The following NARS2 variants were observed in gnomAD, a reference collection of about 807,000 sequenced individuals.
NARS2 encodes the protein asparaginyl-tRNA synthetase 2, mitochondrial.
Under a neutral mutation model 62.9 loss-of-function variants are expected in NARS2, and 60 were observed. The observed-to-expected ratio is 0.95, with a 90% CI of 0.77 to 1.18. The LOEUF (loss-of-function observed/expected upper bound fraction) is 1.18, where lower values mean the gene tolerates loss of function less well. Among genes scored for constraint, NARS2 ranks in the 50% most tolerant of loss-of-function variants. The probability of loss-of-function intolerance (pLI) is 0.00; values close to 1 mark genes in which losing one functional copy is unlikely to be tolerated. For missense variants in NARS2, 619 were observed against 576.4 expected (o/e 1.07, Z -0.76); for synonymous variants, 196 against 200.0 (o/e 0.98, Z 0.17).
intron 7 of NARS2, among the ~76,000 whole-genome samples, chr11:78,481,837 C>T (rs763287723): frequency 2.8e-4 from 42 of 152,192 alleles, no homozygotes; most frequent in African/African-American, 4.1e-4. Context: ...AATTAAGAGA[C>T]GCAGATTACT....
intron 7 of NARS2, among the ~76,000 whole-genome samples, chr11:78,485,039 T>G (rs556646113): frequency 6.6e-6 from 1 of 152,340 alleles, no homozygotes; most frequent in Admixed American, 6.5e-5. Flanking sequence ...GTATGCACCA[T>G]GGAATACCAT....
chr11:78,559,510 T>TACCC, intron 5 of NARS2, 29 bp downstream of exon 5: 1 of 1,394,516 alleles, frequency 7.2e-7, no homozygotes, highest in Non-Finnish European at 1.0e-6. Context: ...AACAGCAATG[T>TACCC]ACCCCTCAAG....
intron 10 of NARS2, 102 bp downstream of exon 10, chr11:78,469,145 T>C (rs762622732): frequency 1.0e-5 from 8 of 777,064 alleles, no homozygotes; most frequent in Non-Finnish European, 1.5e-5. Flanking sequence ...ATTTTGCTAA[T>C]AAGAGAATTA....
At position 78,571,430 on chromosome 11, in the gene NARS2, A is replaced by G. The variant is rs1465138412; in HGVS notation, c.156T>C (p.Ser52=). The change falls in exon 2 of 14, where the codon TCT becomes TCC. Residue 52 remains serine (S), a synonymous_variant. Coordinates refer to ENST00000281038, the MANE Select transcript of NARS2 (RefSeq NM_024678.6). ...ACAAGACTTCCTTCTGGGATCGGAC[A>G]GAACGAATCCATCCCTAAGGAAGAG... ...ERIKIQGWIR[S]VRSQKEVLFL... 2 of 1,611,956 alleles carry G rather than the reference A, an allele frequency of 1.2e-6. No individual in the cohort carries two copies. The highest frequency in any genetic ancestry group is 3.3e-5 in the Admixed American group (2 of 59,816).
intron 4 of NARS2, among the ~76,000 whole-genome samples, chr11:78,560,628 T>TC (rs1435392870): frequency 2.6e-5 from 4 of 151,356 alleles, no homozygotes; most frequent in African/African-American, 9.7e-5. Flanking sequence ...ACTAGGGACC[T>TC]CCCGAATATG....
At chr11:78,538,937 G>C (rs1258853753) in intron 5 of NARS2, among the ~76,000 whole-genome samples, 1 of 140,096 alleles carries the variant, frequency 7.1e-6, no homozygotes, top group Non-Finnish European at 1.5e-5. Context: ...GGAGCTTGCA[G>C]TGAGCCGAGA....
At chr11:78,503,556 T>G (rs1462155698) in intron 6 of NARS2, among the ~76,000 whole-genome samples, 1 of 152,172 alleles carries the variant, frequency 6.6e-6, no homozygotes, top group African/African-American at 2.4e-5. Flanking sequence ...CTCTTCTAAT[T>G]ACCACTTATG....
At chr11:78,546,467 C>G (rs1855880406) in intron 5 of NARS2, 1 of 152,224 alleles carries the variant, frequency 6.6e-6, no homozygotes, top group African/African-American at 2.4e-5. Context: ...TATCTTTGGA[C>G]AGTTACCACA....
chr11:78,557,059 T>C (rs1856379918), intron 5 of NARS2, among the ~76,000 whole-genome samples: 1 of 152,142 alleles, frequency 6.6e-6, no homozygotes, highest in South Asian at 2.1e-4. Flanking sequence ...TTACAATGTA[T>C]TCAGTAGTCC....
chr11:78,542,770 G>T (rs368222162), intron 5 of NARS2, among the ~76,000 whole-genome samples: 1 of 152,124 alleles, frequency 6.6e-6, no homozygotes, highest in Non-Finnish European at 1.5e-5. Context: ...GTGGTGGTGC[G>T]CACCTGTAGT....
At chr11:78,552,417 G>GTA (rs1190966533) in intron 5 of NARS2, among the ~76,000 whole-genome samples, 3 of 152,042 alleles carry the variant, frequency 2.0e-5, no homozygotes, top group Admixed American at 2.0e-4. Flanking sequence ...GGTTGACTCC[G>GTA]TATCTTTGCT....
chr11:78,440,942 A>G, intron 13 of NARS2, 149 bp downstream of exon 13: 1 of 641,244 alleles, frequency 1.6e-6, no homozygotes, highest in Non-Finnish European at 2.7e-6. Flanking sequence ...TAATCTTCTG[A>G]GCCCCCAACC....
intron 11 of NARS2, among the ~76,000 whole-genome samples, chr11:78,444,219 A>G (rs1025866090): frequency 3.9e-5 from 6 of 152,132 alleles, no homozygotes; most frequent in African/African-American, 1.4e-4. Flanking sequence ...TTAATAGTTT[A>G]TTGATTAGAA....
chr11:78,451,675 A>G (rs992872727), intron 11 of NARS2, among the ~76,000 whole-genome samples: 3 of 152,248 alleles, frequency 2.0e-5, no homozygotes, highest in Non-Finnish European at 4.4e-5. Flanking sequence ...GAATAAATAA[A>G]AAGTGCTACA....
At chr11:78,536,479 C>T (rs968187530) in intron 5 of NARS2, among the ~76,000 whole-genome samples, 1 of 152,082 alleles carries the variant, frequency 6.6e-6, no homozygotes, top group Non-Finnish European at 1.5e-5. Context: ...ATTAATGATG[C>T]TGCCCCCGTA....
chr11:78,562,964 C>T (rs1856604283), intron 4 of NARS2, among the ~76,000 whole-genome samples: 1 of 152,056 alleles, frequency 6.6e-6, no homozygotes, highest in Non-Finnish European at 1.5e-5. Flanking sequence ...AGAAACACTA[C>T]AAAATACTAG....
At chr11:78,545,043 G>A (rs1029246721) in intron 5 of NARS2, among the ~76,000 whole-genome samples, 3 of 152,018 alleles carry the variant, frequency 2.0e-5, no homozygotes, top group African/African-American at 7.3e-5. Context: ...GTCAAAGTCA[G>A]CAGTTCTTTA....
chr11:78,497,956 C>A (rs1364964169), intron 6 of NARS2, among the ~76,000 whole-genome samples: 2 of 151,988 alleles, frequency 1.3e-5, no homozygotes, highest in Non-Finnish European at 2.9e-5. Context: ...GAATTTGAGA[C>A]CCAAGCAAAA....
intron 9 of NARS2, among the ~76,000 whole-genome samples, chr11:78,469,854 G>A (rs747446161): frequency 6.6e-6 from 1 of 152,096 alleles, no homozygotes; most frequent in South Asian, 2.1e-4. Flanking sequence ...AAAATAAAGT[G>A]GAATAAGAAG....
Sources: allele counts gnomAD v4.1 joint callset (sites outside exome capture counted in the v4.1 genomes callset), GRCh38; gene constraint gnomAD v4.1.1; transcripts MANE v1.5; gene names NCBI Gene and HGNC (gene_info 2026-07-23, HGNC 2026-07-21).